The following TMOD1 variants were observed in gnomAD, a reference collection of about 807,000 sequenced individuals.
TMOD1 encodes tropomodulin-1.
Under a neutral mutation model 40.6 loss-of-function variants are expected in TMOD1, and 17 were observed. That is an observed-to-expected ratio of 0.42 (90% CI 0.29 to 0.63). TMOD1 has a LOEUF of 0.63. TMOD1 is among the 20% of genes least tolerant of loss of function. TMOD1 has a pLI of 0.22. For synonymous variants in TMOD1, 181 were observed against 175.0 expected (o/e 1.03, Z -0.27); for missense variants, 391 against 447.6 (o/e 0.87, Z 1.14).
At chr9:97,521,723 G>T (rs1410574083) in intron 1 of TMOD1, among the ~76,000 whole-genome samples, 2 of 152,166 alleles carry the variant, frequency 1.3e-5, no homozygotes, top group Admixed American at 1.3e-4. Flanking sequence ...TGAGAGAAAA[G>T]GATGGCACTG....
chr9:97,578,378 T>C (rs1825662942), intron 8 of TMOD1, among the ~76,000 whole-genome samples: 1 of 152,192 alleles, frequency 6.6e-6, no homozygotes, highest in African/African-American at 2.4e-5. Flanking sequence ...TCTTAAGGCT[T>C]ACTGTAAGGT....
At chr9:97,595,112 C>T (rs1342386011) in intron 9 of TMOD1, among the ~76,000 whole-genome samples, 2 of 152,100 alleles carry the variant, frequency 1.3e-5, no homozygotes, top group Admixed American at 1.3e-4. Context: ...TGTCAATTGA[C>T]AATTTGTAAT....
At position 97,559,761 on chromosome 9, in the gene TMOD1, C is replaced by T. The variant is rs1170569570; in HGVS notation, c.398-2971C>T. Among the ~76,000 whole-genome samples the T allele has an allele frequency of 4.1e-4, 39 of 95,584 alleles. 1 individual carries two copies. The highest frequency in any genetic ancestry group is 1.4e-3 in the African/African-American group (33 of 22,820). 62.7% of individuals were successfully genotyped at this position (95,584 alleles called of 152,430 possible). A position where few individuals can be genotyped will look rare whatever the true frequency, so the allele number is the denominator to read the frequency against. On this transcript the variant is annotated intron_variant, in intron 4 of 9. Transcript: ENST00000259365. ...GCCTGTGCCACAGAGCGAGACTCCG[C>T]CTCAAAAATTTAAAAAAAAAAAAAA...
chr9:97,532,409 C>T (rs928638951), intron 2 of TMOD1, among the ~76,000 whole-genome samples: 1 of 152,194 alleles, frequency 6.6e-6, no homozygotes, highest in African/African-American at 2.4e-5. Context: ...TCCTCCCCTC[C>T]CTCGGGAAGC....
chr9:97,514,642 G>T (rs1350983904), intron 1 of TMOD1, among the ~76,000 whole-genome samples: 1 of 152,158 alleles, frequency 6.6e-6, no homozygotes, highest in African/African-American at 2.4e-5. Context: ...AGGCCGCCTG[G>T]TGTATTCAGC....
At chr9:97,543,760 A>G (rs1830311100) in intron 2 of TMOD1, among the ~76,000 whole-genome samples, 1 of 152,244 alleles carries the variant, frequency 6.6e-6, no homozygotes, top group Admixed American at 6.5e-5. Context: ...TTGCATCACC[A>G]TAAGCTCCCT....
At chr9:97,518,464 C>T (rs1314989529) in intron 1 of TMOD1, among the ~76,000 whole-genome samples, 6 of 152,234 alleles carry the variant, frequency 3.9e-5, no homozygotes, top group South Asian at 2.1e-4. Flanking sequence ...GGGGCTTTGA[C>T]GGGGGCATCC....
chr9:97,586,742 T>C (rs1251022875), intron 8 of TMOD1, among the ~76,000 whole-genome samples: 3 of 152,076 alleles, frequency 2.0e-5, no homozygotes, highest in African/African-American at 7.3e-5. Flanking sequence ...AAAAGCGCAG[T>C]ATTCGGGTGG....
At chr9:97,596,724 G>GT (rs1199465013) in intron 9 of TMOD1, among the ~76,000 whole-genome samples, 2 of 152,186 alleles carry the variant, frequency 1.3e-5, no homozygotes, top group Non-Finnish European at 2.9e-5. Flanking sequence ...GGTAGCCTGA[G>GT]TGCCCCCAAG....
intron 3 of TMOD1, among the ~76,000 whole-genome samples, chr9:97,552,351 G>A (rs1047901602): frequency 2.0e-5 from 3 of 151,890 alleles, no homozygotes; most frequent in Non-Finnish European, 4.4e-5. Context: ...CCAAAACAGC[G>A]GTGCACACCC....
chr9:97,544,927 T>G (rs1830337495), intron 2 of TMOD1, among the ~76,000 whole-genome samples: 1 of 151,016 alleles, frequency 6.6e-6, no homozygotes, highest in Non-Finnish European at 1.5e-5. Flanking sequence ...GAGAATCGCT[T>G]GAACCTGGGA....
chr9:97,555,303 G>A, intron 4 of TMOD1: 1 of 1,035,302 alleles, frequency 9.7e-7, no homozygotes, highest in South Asian at 2.7e-5. Flanking sequence ...TGATGCCTTG[G>A]TGCGGCATCT....
chr9:97,510,602 T>TATTC (rs773229266), intron 1 of TMOD1, among the ~76,000 whole-genome samples: 11 of 152,240 alleles, frequency 7.2e-5, no homozygotes, highest in Admixed American at 2.0e-4. Context: ...GCTAGGCATT[T>TATTC]ATTCATTCAT....
chr9:97,512,327 A>G (rs1261499924), intron 1 of TMOD1, among the ~76,000 whole-genome samples: 1 of 152,214 alleles, frequency 6.6e-6, no homozygotes, highest in Non-Finnish European at 1.5e-5. Flanking sequence ...TAGAAATGTA[A>G]AATTGTAAAA....
At chr9:97,558,519 C>T (rs1354364211) in intron 4 of TMOD1, among the ~76,000 whole-genome samples, 1 of 152,174 alleles carries the variant, frequency 6.6e-6, no homozygotes, top group Non-Finnish European at 1.5e-5. Context: ...TCTCGGCTCA[C>T]TGTAACCTCC....
chr9:97,524,497 G>GGTGTGTGTGTGTGT (rs71369515), intron 2 of TMOD1, among the ~76,000 whole-genome samples, 189 bp downstream of exon 2: 2,941 of 142,948 alleles, frequency 0.021, 59 homozygotes, highest in African/African-American at 0.039. Flanking sequence ...GAACCAATAG[G>GGTGTGTGTGTGTGT]GTGTGTGTGT....
chr9:97,598,286 C>T (rs954665360), intron 9 of TMOD1, among the ~76,000 whole-genome samples: 2 of 144,254 alleles, frequency 1.4e-5, no homozygotes, highest in African/African-American at 5.2e-5. Flanking sequence ...CAAGATTGCG[C>T]CACTGCACTC....
chr9:97,576,562 C>A (rs1285586963), intron 8 of TMOD1, among the ~76,000 whole-genome samples: 1 of 151,782 alleles, frequency 6.6e-6, no homozygotes, highest in Non-Finnish European at 1.5e-5. Context: ...CAAAACAAAA[C>A]AAATCCCTGT....
intron 7 of TMOD1, among the ~76,000 whole-genome samples, chr9:97,568,661 C>A (rs1043001982): frequency 1.3e-5 from 2 of 152,138 alleles, no homozygotes; most frequent in Admixed American, 1.3e-4. Context: ...GGGGAGTAGA[C>A]CCAGGTCATA....
Sources: gnomAD v4.1 joint callset for allele counts (sites outside exome capture counted in the v4.1 genomes callset) on GRCh38, gnomAD v4.1.1 for gene constraint, MANE v1.5 for transcripts, NCBI Gene and HGNC (gene_info 2026-07-23, HGNC 2026-07-21) for gene names.